The following ZNF362 variants were observed in gnomAD, a reference collection of about 807,000 sequenced individuals.
ZNF362 encodes zinc finger protein 362.
A neutral mutation model predicts 42.9 loss-of-function variants in ZNF362; 11 were observed. The observed-to-expected ratio is 0.26, with a 90% CI of 0.16 to 0.42. The LOEUF (loss-of-function observed/expected upper bound fraction) is 0.42. Among genes scored for constraint, ZNF362 ranks in the 20% least tolerant of loss-of-function variants. The probability of loss-of-function intolerance (pLI) is 1.00; values close to 1 mark genes in which losing one functional copy is unlikely to be tolerated. For synonymous variants in ZNF362, 255 were observed against 257.3 expected (o/e 0.99, Z 0.09); for missense variants, 362 against 576.2 (o/e 0.63, Z 3.81).
chr1:33,253,541 C>A (rs940360837), upstream of ZNF362, among the ~76,000 whole-genome samples: 14 of 151,950 alleles, frequency 9.2e-5, no homozygotes, highest in Non-Finnish European at 1.8e-4. Context: ...TGGAGCACAG[C>A]TTTCCAGGTG....
Position 33,294,994 on chromosome 1 carries a change from C to T in ZNF362, c.966C>T (p.Phe322=). The T allele has an allele frequency of 6.2e-7, 1 of 1,614,138 alleles. No individual in the cohort carries two copies. Among genetic ancestry groups the T allele is most frequent in the Non-Finnish European group, 8.5e-7 (1 of 1,180,000 alleles). ...KCPHPGCEKA[F]TQLSNLQSHQ... is the part of the protein sequence containing the mutation. ...CACATCCTGGCTGCGAGAAGGCTTT[C>T]ACTCAGCTCTCCAACCTCCAGGTGA... is the stretch of plus-strand genomic sequence containing the variant. Residue 322 remains phenylalanine (F), a synonymous_variant, in exon 7 of 9, where the codon TTC becomes TTT. Transcript: ENST00000539719. This position sits in a 1 kb window ranked among gnomAD's most constrained non-coding sequence, Gnocchi z 4.2.
chr1:33,180,078 A>G, the ZNF362 span, among the ~76,000 whole-genome samples: 6 of 151,904 alleles, frequency 3.9e-5, no homozygotes, highest in Non-Finnish European at 8.8e-5. Context: ...AAAGTTGAGT[A>G]GGAGTTTGTC....
At chr1:33,207,210 C>T in the ZNF362 span, among the ~76,000 whole-genome samples, 1 of 147,246 alleles carries the variant, frequency 6.8e-6, no homozygotes, top group Non-Finnish European at 1.5e-5. Context: ...GTTTGGTTTT[C>T]TGTCTTTGTG....
At chr1:33,206,053 CT>C in the ZNF362 span, among the ~76,000 whole-genome samples, 1 of 152,054 alleles carries the variant, frequency 6.6e-6, no homozygotes, top group Admixed American at 6.6e-5. Context: ...AAAAGATAAT[CT>C]TTTAAAACAA....
chr1:33,191,496 GTTTTT>G, the ZNF362 span, among the ~76,000 whole-genome samples: 3 of 1,594 alleles, frequency 1.9e-3, no homozygotes, highest in East Asian at 0.025. Flanking sequence ...CCTTTTTTTT[GTTTTT>G]GTTTTTGTTT....
chr1:33,204,484 G>T, the ZNF362 span, among the ~76,000 whole-genome samples: 1 of 152,096 alleles, frequency 6.6e-6, no homozygotes, highest in Non-Finnish European at 1.5e-5. Flanking sequence ...ACAAATTTTA[G>T]AATTGCTTTT....
At chr1:33,265,946 C>T (rs954710256) in intron 1 of ZNF362, among the ~76,000 whole-genome samples, 18 of 152,218 alleles carry the variant, frequency 1.2e-4, no homozygotes, top group African/African-American at 4.3e-4. Context: ...TTTCCTGCCT[C>T]GGGGCCTTTG....
intron 1 of ZNF362, among the ~76,000 whole-genome samples, chr1:33,263,037 G>A (rs1645839811): frequency 6.6e-6 from 1 of 152,212 alleles, no homozygotes; most frequent in Admixed American, 6.5e-5. Flanking sequence ...CACACGCATG[G>A]TGTTCATCTG....
the ZNF362 span, among the ~76,000 whole-genome samples, chr1:33,221,637 T>C: frequency 1.4e-4 from 21 of 152,222 alleles, no homozygotes; most frequent in Non-Finnish European, 2.6e-4. Context: ...AGAGGTTAAG[T>C]GAGCTGTCCA....
At chr1:33,248,875 G>T in the ZNF362 span, among the ~76,000 whole-genome samples, 2 of 152,094 alleles carry the variant, frequency 1.3e-5, no homozygotes, top group African/African-American at 2.4e-5. Flanking sequence ...CTCTTCTCAG[G>T]CTCTCCCATT....
At chr1:33,243,977 T>C in the ZNF362 span, among the ~76,000 whole-genome samples, 1 of 152,068 alleles carries the variant, frequency 6.6e-6, no homozygotes, top group East Asian at 1.9e-4. Context: ...ATGTGTAATT[T>C]ACAGAAAAAA....
chr1:33,287,127 C>T (rs72656302), intron 6 of ZNF362, among the ~76,000 whole-genome samples: 19,501 of 152,228 alleles, frequency 0.13, 1,556 homozygotes, highest in East Asian at 0.26. Context: ...ACATAATAAA[C>T]ACCACATGGA....
At chr1:33,131,035 A>T in the ZNF362 span, among the ~76,000 whole-genome samples, 1 of 152,340 alleles carries the variant, frequency 6.6e-6, no homozygotes, top group African/African-American at 2.4e-5. Flanking sequence ...GATGAGTTTT[A>T]AAAGTGGCTC....
At chr1:33,148,887 A>T in the ZNF362 span, among the ~76,000 whole-genome samples, 1,680 of 152,354 alleles carry the variant, frequency 0.011, 33 homozygotes, top group African/African-American at 0.039. Flanking sequence ...AACTTAGGTC[A>T]TCCTGCAAAT....
the ZNF362 span, chr1:33,158,412 C>T: frequency 1.3e-6 from 2 of 1,576,898 alleles, no homozygotes; most frequent in Non-Finnish European, 1.7e-6. Context: ...GGACTGGATT[C>T]CTGCCCCAAT....
chr1:33,283,851 A>C (rs1239075178), intron 6 of ZNF362, among the ~76,000 whole-genome samples: 1 of 152,218 alleles, frequency 6.6e-6, no homozygotes, highest in Non-Finnish European at 1.5e-5. Flanking sequence ...TGCTACTTTG[A>C]TTTTTAAAAA....
rs1033713650 is a variant in ZNF362 at position 33,295,003 on chromosome 1, C to T, written c.975C>T (p.Leu325=). ...HPGCEKAFTQ[L]SNLQSHQRQH... is the part of the protein sequence containing the mutation. ...GCTGCGAGAAGGCTTTCACTCAGCT[C>T]TCCAACCTCCAGGTGAGTGCCTGCC... The change falls in exon 7 of 9, where the codon CTC becomes CTT. Residue 325 remains leucine, a synonymous_variant. Coordinates refer to ENST00000539719, the MANE Select transcript of ZNF362 (RefSeq NM_152493.3). The T allele has an allele frequency of 3.1e-6, 5 of 1,614,032 alleles. No individual in the cohort carries two copies. Among genetic ancestry groups the T allele is most frequent in the Middle Eastern group, 1.6e-4 (1 of 6,082 alleles).
chr1:33,160,033 C>T, the ZNF362 span: 1 of 1,533,764 alleles, frequency 6.5e-7, no homozygotes, highest in South Asian at 1.2e-5. Context: ...CCTTGACACA[C>T]AGAGAGGAAA....
At chr1:33,295,437 G>C in intron 8 of ZNF362, 132 bp downstream of exon 8, 1 of 1,191,764 alleles carries the variant, frequency 8.4e-7, no homozygotes, top group Non-Finnish European at 1.2e-6. Context: ...GAGAAGGGAA[G>C]TGACACCCTG....
Sources: gnomAD v4.1 joint callset for allele counts (sites outside exome capture counted in the v4.1 genomes callset) on GRCh38, gnomAD v4.1.1 for gene constraint, Gnocchi (gnomAD v3.1) non-coding constraint, MANE v1.5 for transcripts, NCBI Gene and HGNC (gene_info 2026-07-23, HGNC 2026-07-21) for gene names.